Variants in CTCF observed in about 807,000 individuals in gnomAD.
CTCF encodes the protein CCCTC-binding factor, also known as transcriptional repressor CTCF.
In CTCF, 7 loss-of-function variants were observed where a neutral mutation model predicts 72.3. The ratio of observed to expected loss-of-function variants is 0.10; its 90% confidence interval spans 0.06 to 0.18. The LOEUF (loss-of-function observed/expected upper bound fraction) is 0.18. Ranked by LOEUF, CTCF falls within the 10% of genes least tolerant of loss-of-function variation. CTCF has a pLI of 1.00. For synonymous variants in CTCF, 374 were observed against 315.8 expected (o/e 1.18, Z -1.95); for missense variants, 516 against 949.1 (o/e 0.54, Z 6.00).
At chr16:67,608,926 G>T (rs1260663996) in intron 2 of CTCF, among the ~76,000 whole-genome samples, 1 of 151,934 alleles carries the variant, frequency 6.6e-6, no homozygotes, top group African/African-American at 2.4e-5. Context: ...TTTTTACTTA[G>T]GACGGGGTTT....
At chr16:67,624,047 CAAAA>C (rs560002527) in intron 7 of CTCF, among the ~76,000 whole-genome samples, 3 of 77,816 alleles carry the variant, frequency 3.9e-5, no homozygotes, top group African/African-American at 1.3e-4. Flanking sequence ...GACACTGTCT[CAAAA>C]AAAAAAAAAA....
intron 2 of CTCF, among the ~76,000 whole-genome samples, chr16:67,590,354 C>T (rs1040076896): frequency 2.6e-5 from 4 of 151,768 alleles, no homozygotes; most frequent in Non-Finnish European, 4.4e-5. Flanking sequence ...TTGACCATAC[C>T]CTTTAATATT....
intron 2 of CTCF, among the ~76,000 whole-genome samples, chr16:67,580,801 A>C (rs1442417728): frequency 1.1e-4 from 15 of 133,446 alleles, no homozygotes; most frequent in Non-Finnish European, 2.0e-4. Flanking sequence ...TTTTTAGTAG[A>C]GACAGGGATT....
chr16:67,602,618 G>C (rs1389500288), intron 2 of CTCF, among the ~76,000 whole-genome samples: 1 of 151,978 alleles, frequency 6.6e-6, no homozygotes, highest in African/African-American at 2.4e-5. Flanking sequence ...GAGGCCGGCA[G>C]ATTACCTGAG....
At chr16:67,578,670 G>A (rs558147054) in intron 2 of CTCF, among the ~76,000 whole-genome samples, 1 of 151,988 alleles carries the variant, frequency 6.6e-6, no homozygotes, top group Admixed American at 6.6e-5. Context: ...CAAATAGGCC[G>A]GGCATGGTGT....
intron 2 of CTCF, among the ~76,000 whole-genome samples, chr16:67,584,155 G>T (rs540248616): frequency 6.6e-6 from 1 of 151,848 alleles, no homozygotes; most frequent in South Asian, 2.1e-4. Context: ...TGGATCACCT[G>T]AGGTCAGGAG....
intron 4 of CTCF, among the ~76,000 whole-genome samples, chr16:67,613,917 C>G (rs77377189): frequency 0.024 from 3,671 of 152,242 alleles, 153 homozygotes; most frequent in African/African-American, 0.084. Context: ...GCAGATTTGG[C>G]AAGACTGATT....
chr16:67,635,227 G>A (rs2142883769), intron 10 of CTCF, among the ~76,000 whole-genome samples: 1 of 151,136 alleles, frequency 6.6e-6, no homozygotes, highest in Non-Finnish European at 1.5e-5. Flanking sequence ...TCACCATGTT[G>A]ACGAGGATGG....
At chr16:67,585,769 C>T (rs1597690846) in intron 2 of CTCF, among the ~76,000 whole-genome samples, 1 of 152,050 alleles carries the variant, frequency 6.6e-6, no homozygotes, top group South Asian at 2.1e-4. Flanking sequence ...TATCCTAATT[C>T]TTTTTAGTAT....
Position 67,621,452 on chromosome 16 carries a change from T to G in CTCF, c.1218T>G (p.Pro406=), listed in dbSNP as rs778459519. The change falls in exon 7 of 12, where the codon CCT becomes CCG. Residue 406 remains proline, a synonymous_variant. Coordinates refer to ENST00000264010, the MANE Select transcript of CTCF (RefSeq NM_006565.4). ...GTATTTTCTTTAAAGGGGAAAAGCCTTATGAATGTTATATTTGTCATGCTC... is the reference window on the plus strand; with the variant it reads ...GTATTTTCTTTAAAGGGGAAAAGCCGTATGAATGTTATATTTGTCATGCTC... ...RHMRTHSGEK[P]YECYICHARF... is the part of the protein sequence containing the mutation. 2 of 1,599,016 alleles carry G rather than the reference T, an allele frequency of 1.3e-6. No individual in the cohort carries two copies. The highest frequency in any genetic ancestry group is 1.1e-5 in the South Asian group (1 of 90,684).
At chr16:67,624,117 A>ATGTGTGTGTGTGTGTGTGTGTG (rs1207947513) in intron 7 of CTCF, among the ~76,000 whole-genome samples, 9 of 92,526 alleles carry the variant, frequency 9.7e-5, no homozygotes, top group Non-Finnish European at 1.7e-4. Flanking sequence ...GTGTGTGTGT[A>ATGTGTGTGTGTGTGTGTGTGTG]TGTGTGTGTA....
intron 10 of CTCF, among the ~76,000 whole-genome samples, chr16:67,630,584 G>T (rs1286164539): frequency 6.6e-6 from 1 of 152,046 alleles, no homozygotes; most frequent in Non-Finnish European, 1.5e-5. Flanking sequence ...GCAAAACCTT[G>T]TCTCTACAAA....
Position 67,629,746 on chromosome 16 carries a change from C to CTTTTTTTTTTTTTTTTT in CTCF, c.1837+243_1837+259dup, listed in dbSNP as rs71145978. Among the ~76,000 whole-genome samples, 5 of 63,362 alleles carry CTTTTTTTTTTTTTTTTT rather than the reference C, an allele frequency of 7.9e-5. 2 individuals carry two copies. Among genetic ancestry groups the CTTTTTTTTTTTTTTTTT allele is most frequent in the Non-Finnish European group, 1.5e-4 (5 of 34,120 alleles). 41.6% of individuals were successfully genotyped at this position (63,362 alleles called of 152,430 possible). A position where few individuals can be genotyped will look rare whatever the true frequency, so the allele number is the denominator to read the frequency against. On this transcript the variant is annotated intron_variant, in intron 10 of 11. Coordinates refer to ENST00000264010, the MANE Select transcript of CTCF (RefSeq NM_006565.4). ...TCGTGGCATTCCGCTCATTAATGCC[C>CTTTTTTTTTTTTTTTTT]TTTTTTTTTTTTTTTTTTTTTTTTT...
intron 10 of CTCF, among the ~76,000 whole-genome samples, chr16:67,636,310 T>C (rs1437227570): frequency 6.6e-6 from 1 of 151,134 alleles, no homozygotes; most frequent in East Asian, 2.0e-4. Flanking sequence ...TTGCAGAGGT[T>C]GCAGTGAGCT....
At chr16:67,585,677 T>C (rs1048565024) in intron 2 of CTCF, among the ~76,000 whole-genome samples, 4 of 152,210 alleles carry the variant, frequency 2.6e-5, no homozygotes, top group Non-Finnish European at 5.9e-5. Context: ...AAATAAACTC[T>C]AATATAACAA....
At chr16:67,610,655 G>A in intron 2 of CTCF, 169 bp from the exon 3 acceptor site, 1 of 392,748 alleles carries the variant, frequency 2.5e-6, no homozygotes. Flanking sequence ...CACCTGGCCA[G>A]TAGTGGTTGT....
chr16:67,608,149 C>A (rs1011101612), intron 2 of CTCF, among the ~76,000 whole-genome samples: 9 of 151,786 alleles, frequency 5.9e-5, no homozygotes, highest in African/African-American at 9.7e-5. Context: ...ATGGTGAAAC[C>A]CCGTCTCTAC....
intron 8 of CTCF, chr16:67,626,922 C>G (rs2052295591): frequency 5.2e-6 from 2 of 384,184 alleles, no homozygotes; most frequent in Non-Finnish European, 9.2e-6. Context: ...CACAGCTTAC[C>G]TCTTCCTTAA....
At chr16:67,572,795 C>T (rs928042668) in intron 2 of CTCF, among the ~76,000 whole-genome samples, 10 of 149,836 alleles carry the variant, frequency 6.7e-5, no homozygotes, top group Admixed American at 6.0e-4. Flanking sequence ...TAAAAACTAG[C>T]CGAGTGTGGT....
Sources: gnomAD v4.1 joint callset for allele counts (sites outside exome capture counted in the v4.1 genomes callset) on GRCh38, gnomAD v4.1.1 for gene constraint, MANE v1.5 for transcripts, NCBI Gene and HGNC (gene_info 2026-07-23, HGNC 2026-07-21) for gene names.